C2orf66: variants seen among roughly 807,000 people sequenced by gnomAD.
The protein encoded by C2orf66 is chromosome 2 open reading frame 66, also known as uncharacterized protein C2orf66.
In C2orf66, 6 loss-of-function variants were observed where a neutral mutation model predicts 7.0. The ratio of observed to expected loss-of-function variants is 0.86; its 90% CI spans 0.47 to 1.69. The LOEUF is 1.69. Among genes scored for constraint, C2orf66 ranks in the 40% most tolerant of loss-of-function variants. The pLI, the probability that C2orf66 is intolerant of heterozygous loss-of-function variation, is 0.01. For synonymous variants in C2orf66, 38 were observed against 43.8 expected (o/e 0.87, Z 0.52); for missense variants, 107 against 112.0 (o/e 0.96, Z 0.20).
In C2orf66 at chr2:196,807,478, G is replaced by C; in HGVS notation, c.268C>G (p.Gln90Glu). Residue 90 changes from glutamine to glutamate, a missense_variant, in exon 2 of 3, where the codon CAG becomes GAG. By Grantham distance (29) the Gln-to-Glu change is conservative (BLOSUM62 2). Coordinates refer to ENST00000342506, the MANE Select transcript of C2orf66 (RefSeq NM_213608.3). ...TASASADYEE[Q>E]KNSFHNYLKG Reference sequence around the variant, plus strand: ...AGATAATTGTGAAAGGAGTTTTTCTGCTCTTCATAATCTGCAGATGCAGAA... The same window carrying C: ...AGATAATTGTGAAAGGAGTTTTTCTCCTCTTCATAATCTGCAGATGCAGAA... The C allele has an allele frequency of 6.2e-7, 1 of 1,610,240 alleles. No homozygotes were observed. The highest frequency in any genetic ancestry group is 8.5e-7 in the Non-Finnish European group (1 of 1,179,096).
At chr2:196,808,467 C>T (rs536057817) in intron 1 of C2orf66, among the ~76,000 whole-genome samples, 16 of 152,184 alleles carry the variant, frequency 1.1e-4, no homozygotes, top group Middle Eastern at 6.8e-3. Flanking sequence ...GAGAGCAGGT[C>T]GGGACCACTT....
chr2:196,819,855 A>T, the C2orf66 span, among the ~76,000 whole-genome samples: 1 of 152,234 alleles, frequency 6.6e-6, no homozygotes, highest in South Asian at 2.1e-4. Flanking sequence ...TCATATTTTA[A>T]TAAGGAGGGG....
At chr2:196,817,476 C>A in the C2orf66 span, among the ~76,000 whole-genome samples, 1 of 152,068 alleles carries the variant, frequency 6.6e-6, no homozygotes, top group Non-Finnish European at 1.5e-5. Context: ...ACCTTGTGAT[C>A]TGCCCACCTT....
At chr2:196,818,995 C>T in the C2orf66 span, among the ~76,000 whole-genome samples, 1 of 152,162 alleles carries the variant, frequency 6.6e-6, no homozygotes, top group African/African-American at 2.4e-5. Context: ...ATGATCCAGT[C>T]CTACCATTCC....
At chr2:196,825,600 T>C in the C2orf66 span, among the ~76,000 whole-genome samples, 10 of 152,156 alleles carry the variant, frequency 6.6e-5, no homozygotes, top group East Asian at 7.7e-4. Flanking sequence ...AGTAAAGCTA[T>C]TGGAGGGGGA....
chr2:196,823,221 A>G, the C2orf66 span, among the ~76,000 whole-genome samples: 1 of 152,222 alleles, frequency 6.6e-6, no homozygotes, highest in African/African-American at 2.4e-5. Context: ...TGTAGTAGGC[A>G]AGTAAGAAGT....
chr2:196,820,600 A>G, the C2orf66 span, among the ~76,000 whole-genome samples: 1 of 152,214 alleles, frequency 6.6e-6, no homozygotes, highest in African/African-American at 2.4e-5. Flanking sequence ...CAATTTATAC[A>G]TTGGAAGTGG....
At chr2:196,831,217 C>T in the C2orf66 span, among the ~76,000 whole-genome samples, 2 of 152,234 alleles carry the variant, frequency 1.3e-5, no homozygotes, top group East Asian at 3.9e-4. Context: ...TTTCTGTCTC[C>T]CATTTTCGGC....
the C2orf66 span, among the ~76,000 whole-genome samples, chr2:196,823,975 C>T: frequency 6.6e-6 from 1 of 152,084 alleles, no homozygotes; most frequent in Non-Finnish European, 1.5e-5. Context: ...AAGAATATAA[C>T]ACTGAAGTCA....
the C2orf66 span, among the ~76,000 whole-genome samples, chr2:196,820,385 C>T: frequency 1.9e-3 from 290 of 152,266 alleles, no homozygotes; most frequent in African/African-American, 6.8e-3. Context: ...ATGAAGAGCA[C>T]CTTGGGATTT....
chr2:196,810,601 G>A (rs117951813), upstream of C2orf66, among the ~76,000 whole-genome samples: 2 of 152,292 alleles, frequency 1.3e-5, no homozygotes, highest in East Asian at 3.9e-4. Flanking sequence ...GAGTTGTGAC[G>A]TTGCTTTGGT....
chr2:196,821,260 T>G, the C2orf66 span, among the ~76,000 whole-genome samples: 1 of 152,182 alleles, frequency 6.6e-6, no homozygotes, highest in Non-Finnish European at 1.5e-5. Flanking sequence ...GGTACTGAAT[T>G]CAGACTTTCT....
upstream of C2orf66, among the ~76,000 whole-genome samples, chr2:196,813,333 T>C (rs78195434): frequency 0.12 from 18,866 of 152,058 alleles, 1,179 homozygotes; most frequent in Non-Finnish European, 0.14. Flanking sequence ...GGGGAAAGGA[T>C]CCCCTATTTA....
the C2orf66 span, among the ~76,000 whole-genome samples, chr2:196,820,664 T>A: frequency 7.9e-5 from 12 of 152,356 alleles, no homozygotes; most frequent in South Asian, 2.5e-3. Context: ...TGTTACTTAG[T>A]ATAAATCTAG....
At chr2:196,828,230 T>TCACACACACACA in the C2orf66 span, among the ~76,000 whole-genome samples, 55 of 125,150 alleles carry the variant, frequency 4.4e-4, no homozygotes, top group African/African-American at 1.2e-3. Context: ...TCTCTCTCTC[T>TCACACACACACA]CACACACACA....
chr2:196,818,938 C>A, the C2orf66 span, among the ~76,000 whole-genome samples: 1 of 152,104 alleles, frequency 6.6e-6, no homozygotes, highest in Non-Finnish European at 1.5e-5. Context: ...TCTGGATGCC[C>A]ATAAAATAGA....
upstream of C2orf66, among the ~76,000 whole-genome samples, chr2:196,814,209 T>C (rs542617540): frequency 1.3e-5 from 2 of 152,240 alleles, no homozygotes; most frequent in African/African-American, 2.4e-5. Context: ...AAAGAAAACA[T>C]GGCACATATA....
chr2:196,809,673 C>A (rs1027014627), upstream of C2orf66: 5 of 238,268 alleles, frequency 2.1e-5, no homozygotes, highest in Non-Finnish European at 3.2e-5. Flanking sequence ...AAAGAAACTG[C>A]AACTCTTAAA....
At chr2:196,828,263 C>CACAG in the C2orf66 span, among the ~76,000 whole-genome samples, 10 of 151,448 alleles carry the variant, frequency 6.6e-5, no homozygotes, top group African/African-American at 2.4e-4. Context: ...CACACACACA[C>CACAG]ACACACACAC....
Sources: allele counts gnomAD v4.1 joint callset (sites outside exome capture counted in the v4.1 genomes callset), GRCh38; gene constraint gnomAD v4.1.1; transcripts MANE v1.5; gene names NCBI Gene and HGNC (gene_info 2026-07-23, HGNC 2026-07-21).